FBN3: variants seen among roughly 807,000 people sequenced by gnomAD.
FBN3 encodes the protein fibrillin-3.
FBN3 carries 234 observed loss-of-function variants against 330.1 expected under a neutral mutation model. That is an observed-to-expected ratio of 0.71 (90% CI 0.64 to 0.79). FBN3 has a LOEUF of 0.79. FBN3 is among the 30% of genes least tolerant of loss of function. The pLI is 0.00. For missense variants in FBN3, 3,606 were observed against 3,886.9 expected, an observed-to-expected ratio of 0.93 and a Z score of 1.92; for synonymous variants, 1,458 against 1,517.3, an observed-to-expected ratio of 0.96 and a Z score of 0.91.
intron 26 of FBN3, among the ~76,000 whole-genome samples, chr19:8,118,011 T>C (rs1448328086): frequency 6.6e-6 from 1 of 151,668 alleles, no homozygotes; most frequent in Admixed American, 6.6e-5. Flanking sequence ...CTCACACCCA[T>C]GTGCACACAC....
chr19:8,131,475 T>C lies in FBN3; in HGVS notation c.1990+79A>G. The C allele has an allele frequency of 1.3e-6, 2 of 1,531,102 alleles. No homozygotes were observed. The highest frequency in any genetic ancestry group is 2.3e-5 in the East Asian group (1 of 44,056). 94.8% of individuals were successfully genotyped at this position (1,531,102 alleles called of 1,614,324 possible). A position where few individuals can be genotyped will look rare whatever the true frequency, so the allele number is the denominator to read the frequency against. On this transcript the variant is annotated intron_variant, in intron 15 of 63. Coordinates refer to ENST00000600128, the MANE Select transcript of FBN3 (RefSeq NM_032447.5). This position sits in a 1 kb window ranked among gnomAD's most constrained non-coding sequence, Gnocchi z 4.5. ...AAGAGCCCCCACTCCATGGCAGCCA[T>C]GACCCCCCACCAGAAGCGAGAACCG...
At chr19:8,086,459 A>ATT (rs200023603) in intron 54 of FBN3, 134 bp from the exon 55 acceptor site, 30 of 271,716 alleles carry the variant, frequency 1.1e-4, no homozygotes, top group Admixed American at 1.9e-4. Flanking sequence ...TATTATTATT[A>ATT]TTATTATTAT....
chr19:8,110,683 C>A (rs143369849), intron 34 of FBN3, among the ~76,000 whole-genome samples, 162 bp downstream of exon 34: 1 of 152,152 alleles, frequency 6.6e-6, no homozygotes, highest in Non-Finnish European at 1.5e-5. Flanking sequence ...CGAACAGGAA[C>A]GGGAAATGAT....
chr19:8,129,369 C>T lies in FBN3; in HGVS notation c.2045-4G>A, dbSNP rs201275466. 8.9e-5 allele frequency: 143 copies of T among 1,613,396 alleles called. No individual in the cohort carries two copies. Among genetic ancestry groups the T allele is most frequent in the Non-Finnish European group, 8.9e-5 (105 of 1,179,716 alleles). On this transcript the variant is annotated splice_polypyrimidine_tract_variant and splice_region_variant and intron_variant, in intron 16 of 63. Coordinates refer to ENST00000600128, the MANE Select transcript of FBN3 (RefSeq NM_032447.5). This position sits in a 1 kb window ranked among gnomAD's most constrained non-coding sequence, Gnocchi z 4.5. ...TCCAGAGCACACTCGTTGATGTCTGCGGCAGGAGGAGGGTGTGTCAGCAGC... is the reference window on the plus strand; with the variant it reads ...TCCAGAGCACACTCGTTGATGTCTGTGGCAGGAGGAGGGTGTGTCAGCAGC...
Position 8,066,169 on chromosome 19 carries a change from C to A in FBN3, c.8180G>T (p.Arg2727Leu). Residue 2727 changes from arginine to leucine, a missense_variant, in exon 64 of 64, where the codon CGG (arginine) becomes CTG (leucine). Coordinates refer to ENST00000600128, the MANE Select transcript of FBN3 (RefSeq NM_032447.5). Reference sequence around the variant, plus strand: ...GCCCTCTAGACCCTCCAGGGCCGGCCGGAGCTCCAGGATGCGCTCGGCCCG... The same window carrying A: ...GCCCTCTAGACCCTCCAGGGCCGGCAGGAGCTCCAGGATGCGCTCGGCCCG... ...LGRAERILEL[R>L]PALEGLEGRI... 6.2e-7 allele frequency: 1 copy of A among 1,612,844 alleles called. No individual in the cohort carries two copies. Among genetic ancestry groups the A allele is most frequent in the Non-Finnish European group, 8.5e-7 (1 of 1,179,636 alleles).
In FBN3 at chr19:8,111,998, C is replaced by G; in HGVS notation, c.3940G>C (p.Gly1314Arg). The change falls in exon 31 of 64, where the codon GGG becomes CGG. Residue 1314 changes from glycine to arginine, a missense_variant. Coordinates refer to ENST00000600128, the MANE Select transcript of FBN3 (RefSeq NM_032447.5). ...FSCRCLPGWV[G>R]DGFECHDLDE... ...TCACCGTGACATTCGAAGCCATCCC[C>G]CACCCAGCCTGGCAGGCACCTACAG... 6.2e-7 allele frequency: 1 copy of G among 1,610,564 alleles called. No homozygotes were observed. The highest frequency in any genetic ancestry group is 1.1e-5 in the South Asian group (1 of 90,864).
Position 8,086,200 on chromosome 19 carries a change from C to T in FBN3, c.6880G>A (p.Asp2294Asn), listed in dbSNP as rs142911798. The T allele has an allele frequency of 5.6e-5, 88 of 1,574,104 alleles. No individual in the cohort carries two copies. The highest frequency in any genetic ancestry group is 4.5e-4 in the Admixed American group (26 of 57,602). Residue 2294 changes from aspartate to asparagine, a missense_variant and splice_region_variant, in exon 55 of 64, where the codon GAC (aspartate) becomes AAC (asparagine). Physicochemically the swap from Asp to Asn is conservative, Grantham distance 23 (BLOSUM62 1). Coordinates refer to ENST00000600128, the MANE Select transcript of FBN3 (RefSeq NM_032447.5). ...QPSPTLTECH[D>N]IRQGPCFAEV... ...ACTGTGCGTGTCCAGCCACACTCAC[C>T]GTGGCACTCGGTAAGGGTGGGGCTG...
At chr19:8,115,824 T>C (rs1359788467) in intron 29 of FBN3, among the ~76,000 whole-genome samples, 184 bp from the exon 30 acceptor site, 5 of 151,608 alleles carry the variant, frequency 3.3e-5, no homozygotes, top group Admixed American at 1.3e-4. Flanking sequence ...TACTGGGCAA[T>C]TGGGAATGTT....
Position 8,066,250 on chromosome 19 carries a change from G to T in FBN3, c.8099C>A (p.Ala2700Asp). 6.4e-7 allele frequency: 1 copy of T among 1,559,748 alleles called. No individual in the cohort carries two copies. The highest frequency in any genetic ancestry group is 8.7e-7 in the Non-Finnish European group (1 of 1,149,848). The change falls in exon 64 of 64, where the codon GCC (alanine) becomes GAC (aspartate). Residue 2700 changes from alanine (A) to aspartate (D), a missense_variant. Physicochemically the swap from Ala to Asp is moderately radical, Grantham distance 126. Coordinates refer to ENST00000600128, the MANE Select transcript of FBN3 (RefSeq NM_032447.5). ...SAHRDHQVNL[A>D]TLDSEALLTL... ...CAGCAGGGCCTCGGAGTCAAGGGTG[G>T]CCAGGTTCACCTGGGAAGAAAGGCC...
intron 14 of FBN3, 84 bp downstream of exon 14, chr19:8,132,900 C>A (rs1032235893): frequency 1.4e-6 from 2 of 1,435,936 alleles, no homozygotes; most frequent in Non-Finnish European, 1.9e-6. Context: ...CCATCCCCGT[C>A]CGGTCCCTCT....
chr19:8,118,120 C>T (rs1887735743), intron 26 of FBN3, among the ~76,000 whole-genome samples: 2 of 151,986 alleles, frequency 1.3e-5, no homozygotes. Flanking sequence ...CATACCTGTC[C>T]TTGTGCAAAC....
At chr19:8,125,844 A>G in intron 22 of FBN3, 48 bp downstream of exon 22, 1 of 1,548,676 alleles carries the variant, frequency 6.5e-7, no homozygotes, top group Middle Eastern at 1.7e-4. Flanking sequence ...GGTGGAGGGA[A>G]CAAAGGAAGA....
rs1048076315 is a variant in FBN3, at chr19:8,111,547, CAGA to C, written c.4084+98_4084+100del. 183 of 1,316,326 alleles carry C rather than the reference CAGA, an allele frequency of 1.4e-4. 1 individual carries two copies. In the Middle Eastern group the frequency reaches 1.5e-3, roughly 11 times the overall value. The allele number at this position is 1,316,326 out of a possible 1,614,324, so 81.5% of individuals were successfully genotyped here. ...AGCACCCACAGAGCGGCGATTGAGTCAGAAGGAGTCAGGAGGTCGAGTGACCAT... is the reference window on the plus strand; with the variant it reads ...AGCACCCACAGAGCGGCGATTGAGTCAGGAGTCAGGAGGTCGAGTGACCAT... On this transcript the variant is annotated intron_variant, in intron 32 of 63. Transcript: ENST00000600128.
intron 18 of FBN3, among the ~76,000 whole-genome samples, chr19:8,127,126 C>T (rs926393341): frequency 6.0e-5 from 9 of 150,526 alleles, no homozygotes; most frequent in East Asian, 3.9e-4. Flanking sequence ...GGCACCATCC[C>T]GGCTCACTGC....
In FBN3 at chr19:8,136,268, A is replaced by T. The variant is rs200054474; in HGVS notation, c.1387T>A (p.Cys463Ser). The T allele has an allele frequency of 3.1e-6, 5 of 1,605,894 alleles. No individual in the cohort carries two copies. The Admixed American group carries it at 8.4e-5, about 27-fold the overall frequency. ...TGGTAGGTGCCGGGGATGTTGACGC[A>T]GTCACCGTGGTGGCAGGGGCTGCTG... ...CTSSPCHHGD[C>S]VNIPGTYHCR... Residue 463 changes from cysteine to serine, a missense_variant, in exon 12 of 64, where the codon TGC becomes AGC. Cys to Ser is a moderately radical substitution (Grantham distance 112). Transcript: ENST00000600128.
Position 8,073,272 on chromosome 19 carries a change from G to A in FBN3, c.7728C>T (p.Pro2576=). The stretch of plus-strand genomic sequence containing the variant: ...GACAGGAGGCGCTCCCGCAGGTGGG[G>A]GGCGACAGGGCACACTCATTCTCAT... ...CVDENECALS[P]PTCGSASCRN... Residue 2576 remains proline (P), a synonymous_variant, in exon 62 of 64, where the codon CCC becomes CCT. Transcript: ENST00000600128. 1 of 1,613,892 alleles carries A rather than the reference G, an allele frequency of 6.2e-7. No individual in the cohort carries two copies. Among genetic ancestry groups the A allele is most frequent in the Non-Finnish European group, 8.5e-7 (1 of 1,179,926 alleles).
In FBN3 at chr19:8,109,467, C is replaced by T. The variant is rs1473956548; in HGVS notation, c.4457-79G>A. The T allele has an allele frequency of 6.4e-7, 1 of 1,565,108 alleles. No individual in the cohort carries two copies. The highest frequency in any genetic ancestry group is 8.7e-7 in the Non-Finnish European group (1 of 1,143,520). ...TGCGTGTGCATGCATGTGTCTATTT[C>T]AACAGGTGACAAGGACAACCACTCT... On this transcript the variant is annotated intron_variant, in intron 35 of 63. Transcript: ENST00000600128. This position sits in a 1 kb window ranked among gnomAD's most constrained non-coding sequence, Gnocchi z 5.2.
At chr19:8,088,221 C>G in intron 51 of FBN3, 42 bp from the exon 52 acceptor site, 1 of 1,547,492 alleles carries the variant, frequency 6.5e-7, no homozygotes, top group South Asian at 1.2e-5. Flanking sequence ...GCAGAGGGTC[C>G]CCCATCCTCA....
chr19:8,109,895 G>T lies in FBN3; in HGVS notation c.4334-142C>A. The T allele has an allele frequency of 1.1e-6, 1 of 924,008 alleles. No individual in the cohort carries two copies. Among genetic ancestry groups the T allele is most frequent in the Non-Finnish European group, 1.5e-6 (1 of 660,106 alleles). 57.2% of individuals were successfully genotyped at this position (924,008 alleles called of 1,614,324 possible). The stretch of plus-strand genomic sequence containing the variant: ...GTGGGACAATGTCATGTCCTTCCCT[G>T]GGAAGAAACCTAAGGGGACAGGAGC... On this transcript the variant is annotated intron_variant, in intron 34 of 63. Transcript: ENST00000600128. The surrounding 1 kb of genome is among the most constrained non-coding windows in gnomAD (Gnocchi z 5.2).
Sources: gnomAD v4.1 joint callset for allele counts (sites outside exome capture counted in the v4.1 genomes callset) on GRCh38, gnomAD v4.1.1 for gene constraint, Gnocchi (gnomAD v3.1) non-coding constraint, MANE v1.5 for transcripts, NCBI Gene and HGNC (gene_info 2026-07-23, HGNC 2026-07-21) for gene names.